The following OSBPL10 variants were observed in gnomAD, a reference collection of about 807,000 sequenced individuals.
OSBPL10 encodes oxysterol-binding protein-related protein 10.
OSBPL10 carries 49 observed loss-of-function variants against 81.7 expected under a neutral mutation model. The observed-to-expected ratio is 0.60, with a 90% CI of 0.48 to 0.76. The LOEUF is 0.76. OSBPL10 is among the 30% of genes least tolerant of loss of function. The pLI, the probability that OSBPL10 is intolerant of heterozygous loss-of-function variation, is 0.00. For synonymous variants in OSBPL10, 419 were observed against 383.6 expected, an observed-to-expected ratio of 1.09 and a Z score of -1.08; for missense variants, 923 against 987.8, an observed-to-expected ratio of 0.93 and a Z score of 0.88.
At chr3:31,698,438 G>A (rs1465666766) in intron 7 of OSBPL10, among the ~76,000 whole-genome samples, 4 of 151,886 alleles carry the variant, frequency 2.6e-5, no homozygotes, top group Non-Finnish European at 5.9e-5. Context: ...GTGATAGAGC[G>A]AGACTCCATC....
intron 1 of OSBPL10, among the ~76,000 whole-genome samples, chr3:31,973,313 G>A (rs1159577078): frequency 6.6e-6 from 1 of 152,162 alleles, no homozygotes; most frequent in Non-Finnish European, 1.5e-5. Context: ...GAGAGGCAGG[G>A]CTAAGACACC....
chr3:31,914,776 T>C (rs1482695318), intron 1 of OSBPL10, among the ~76,000 whole-genome samples: 1 of 152,162 alleles, frequency 6.6e-6, no homozygotes, highest in Non-Finnish European at 1.5e-5. Context: ...AAATAAAAAA[T>C]TCAATCCCTC....
intron 6 of OSBPL10, among the ~76,000 whole-genome samples, chr3:31,725,507 A>T (rs916264199): frequency 1.3e-5 from 2 of 152,200 alleles, no homozygotes; most frequent in Non-Finnish European, 2.9e-5. Flanking sequence ...CTTCTAAAAG[A>T]TTATAATAAG....
chr3:31,867,676 G>A (rs902327561), intron 3 of OSBPL10, among the ~76,000 whole-genome samples: 2 of 151,224 alleles, frequency 1.3e-5, no homozygotes, highest in Non-Finnish European at 3.0e-5. Flanking sequence ...CTGGGAGGCG[G>A]AGGTTGCAGT....
chr3:31,872,541 C>T (rs537221212), intron 3 of OSBPL10, among the ~76,000 whole-genome samples: 1 of 150,306 alleles, frequency 6.7e-6, no homozygotes, highest in Non-Finnish European at 1.5e-5. Flanking sequence ...ACAAAAAGTA[C>T]CATAATTCCA....
At chr3:31,668,271 A>G (rs1700245556) in intron 10 of OSBPL10, among the ~76,000 whole-genome samples, 1 of 152,180 alleles carries the variant, frequency 6.6e-6, no homozygotes. Flanking sequence ...TTTTAATAAT[A>G]TTGCTAATCT....
chr3:31,822,471 A>G (rs1700001701), intron 4 of OSBPL10, among the ~76,000 whole-genome samples: 1 of 152,230 alleles, frequency 6.6e-6, no homozygotes, highest in African/African-American at 2.4e-5. Context: ...AGTATTCAGT[A>G]TAAACATGTA....
intron 4 of OSBPL10, among the ~76,000 whole-genome samples, chr3:31,812,834 AAGAAAGAAAGAACGAACTT>A (rs1699743277): frequency 2.1e-5 from 3 of 140,562 alleles, no homozygotes. Context: ...GAAAGAAAGA[AAGAAAGAAAGAACGAACTT>A]CTCCAATAAC....
chr3:31,720,526 AG>A (rs1696600690), intron 6 of OSBPL10, among the ~76,000 whole-genome samples: 1 of 152,294 alleles, frequency 6.6e-6, no homozygotes, highest in South Asian at 2.1e-4. Flanking sequence ...CCAGAGGTTG[AG>A]CCTAGTTTTA....
chr3:31,991,126 C>A, intron 2 of OSBPL10: 1 of 795,892 alleles, frequency 1.3e-6, no homozygotes, highest in Middle Eastern at 2.4e-4. Context: ...TGAGTTCAAG[C>A]ATTAATTGAC....
At chr3:31,762,629 C>CTTTTTTTTTTTTTTTTTTTTTTTTTTTT (rs1491572896) in intron 4 of OSBPL10, among the ~76,000 whole-genome samples, 1 of 17,236 alleles carries the variant, frequency 5.8e-5, no homozygotes, top group Non-Finnish European at 8.9e-5. Context: ...CCATGCCCAG[C>CTTTTTTTTTTTTTTTTTTTTTTTTTTTT]ATTTTTTTTT....
At chr3:31,851,045 G>C (rs966014553) in intron 3 of OSBPL10, among the ~76,000 whole-genome samples, 5 of 152,062 alleles carry the variant, frequency 3.3e-5, no homozygotes, top group Non-Finnish European at 5.9e-5. Flanking sequence ...AGTTATCCAA[G>C]GTCAGTATTT....
intron 4 of OSBPL10, among the ~76,000 whole-genome samples, chr3:31,755,445 T>C (rs952746730): frequency 2.6e-5 from 4 of 152,210 alleles, no homozygotes; most frequent in African/African-American, 4.8e-5. Context: ...TTTCAGGAAA[T>C]TGGCAGAAGA....
At chr3:31,804,283 A>G (rs150492141) in intron 4 of OSBPL10, among the ~76,000 whole-genome samples, 6 of 152,216 alleles carry the variant, frequency 3.9e-5, no homozygotes, top group Admixed American at 6.5e-5. Context: ...TACTATCAAC[A>G]TCACAGATTT....
intron 4 of OSBPL10, among the ~76,000 whole-genome samples, chr3:31,812,963 T>A (rs1018832219): frequency 1.3e-5 from 2 of 152,180 alleles, no homozygotes; most frequent in African/African-American, 4.8e-5. Context: ...AGTTTTTGTT[T>A]ACTCCTATAA....
intron 1 of OSBPL10, among the ~76,000 whole-genome samples, chr3:31,935,631 C>T (rs1280324338): frequency 6.6e-6 from 1 of 151,572 alleles, no homozygotes; most frequent in Non-Finnish European, 1.5e-5. Context: ...TCAAGCGATT[C>T]TCCTGCCTCA....
At chr3:31,884,486 C>T (rs1695678203) in intron 1 of OSBPL10, among the ~76,000 whole-genome samples, 1 of 152,206 alleles carries the variant, frequency 6.6e-6, no homozygotes, top group Non-Finnish European at 1.5e-5. Context: ...ACAGTTAAGT[C>T]AGCTTGTGTC....
chr3:31,766,410 A>C (rs1698201917), intron 4 of OSBPL10, among the ~76,000 whole-genome samples: 2 of 143,636 alleles, frequency 1.4e-5, no homozygotes, highest in South Asian at 4.5e-4. Context: ...TGGCACAATC[A>C]TTGCTCATTG....
intron 3 of OSBPL10, among the ~76,000 whole-genome samples, chr3:31,839,498 T>C (rs1052828882): frequency 2.6e-5 from 4 of 151,002 alleles, no homozygotes; most frequent in African/African-American, 9.7e-5. Flanking sequence ...AGGTGAAATA[T>C]GAAGCAGGGA....
Sources: allele counts gnomAD v4.1 joint callset (sites outside exome capture counted in the v4.1 genomes callset), GRCh38; gene constraint gnomAD v4.1.1; transcripts MANE v1.5; gene names NCBI Gene and HGNC (gene_info 2026-07-23, HGNC 2026-07-21).